Variants in SGK1 observed in about 807,000 individuals in gnomAD.
SGK1 encodes serum/glucocorticoid regulated kinase 1, also known as serine/threonine-protein kinase Sgk1.
A neutral mutation model predicts 64.2 loss-of-function variants in SGK1; 26 were observed. That is an observed-to-expected ratio of 0.40 (90% confidence interval 0.30 to 0.56). The LOEUF is 0.56. Among genes scored for constraint, SGK1 ranks in the 20% least tolerant of loss-of-function variants. The pLI, the probability that SGK1 is intolerant of heterozygous loss-of-function variation, is 0.38. For missense variants in SGK1, 519 were observed against 645.6 expected (o/e 0.80, Z 2.12); for synonymous variants, 265 against 239.7 (o/e 1.11, Z -0.98).
Position 134,308,351 on chromosome 6 carries a change from A to G in SGK1, c.69+9041T>C, listed in dbSNP as rs564089434. Among the ~76,000 whole-genome samples, 49 of 152,322 alleles carry G rather than the reference A, an allele frequency of 3.2e-4. No homozygotes were observed. The South Asian group carries it at 1.0e-2, about 31-fold the overall frequency. ...TGGCATATTTTAATTTTTGTCCTAC[A>G]GGGACTTGAGTCTAAATATGTTTTA... On this transcript the variant is annotated intron_variant, in intron 1 of 13. Coordinates refer to ENST00000367858, the MANE Select transcript of SGK1 (RefSeq NM_001143676.3).
intron 2 of SGK1, among the ~76,000 whole-genome samples, chr6:134,246,407 T>C (rs182054289): frequency 6.6e-6 from 1 of 151,972 alleles, no homozygotes; most frequent in East Asian, 1.9e-4. Flanking sequence ...TCTGCCCACC[T>C]CAACCTCCCA....
chr6:134,299,803 C>CTTT lies in SGK1; in HGVS notation c.69+17586_69+17588dup, dbSNP rs10637676. Among the ~76,000 whole-genome samples, 1,115 of 133,684 alleles carry CTTT rather than the reference C, an allele frequency of 8.3e-3. 28 individuals are homozygous for CTTT. The highest frequency in any genetic ancestry group is 0.028 in the African/African-American group (1,041 of 37,564). 87.7% of individuals were successfully genotyped at this position (133,684 alleles called of 152,430 possible). On this transcript the variant is annotated intron_variant, in intron 1 of 13. Transcript: ENST00000367858. ...CTGGTAGCTTTTCCAATCCCTGTGACTTTTTTTTTTTTTTTGCCCTGAGTT... is the reference window on the plus strand; with the variant it reads ...CTGGTAGCTTTTCCAATCCCTGTGACTTTTTTTTTTTTTTTTTTGCCCTGAGTT...
intron 3 of SGK1, among the ~76,000 whole-genome samples, chr6:134,190,160 T>A (rs766414068): frequency 5.3e-5 from 8 of 152,098 alleles, no homozygotes; most frequent in Non-Finnish European, 1.0e-4. Context: ...CTAAGTACTG[T>A]TTTTATATCT....
chr6:134,297,753 G>A (rs1562277935), intron 1 of SGK1: 15 of 483,862 alleles, frequency 3.1e-5, no homozygotes, highest in East Asian at 4.8e-5. Flanking sequence ...AGCCTGCCTC[G>A]GCCTCCCAAA....
At chr6:134,185,329 ACTTTATATCC>A (rs1317765679) in intron 3 of SGK1, among the ~76,000 whole-genome samples, 2 of 152,078 alleles carry the variant, frequency 1.3e-5, no homozygotes, top group Admixed American at 6.6e-5. Flanking sequence ...ACCCCCTTCT[ACTTTATATCC>A]CTTTATATCC....
In SGK1 at chr6:134,243,160, T is replaced by C. The variant is rs562668267; in HGVS notation, c.285+18773A>G. 5.9e-5 allele frequency among the ~76,000 whole-genome samples: 9 copies of C among 152,188 alleles called. No individual in the cohort carries two copies. The East Asian group carries it at 1.3e-3, about 23-fold the overall frequency. On this transcript the variant is annotated intron_variant, in intron 2 of 13. Transcript: ENST00000367858. ...CTTATGCCTTTGGTTATAGAAAATA[T>C]AGAATCAATGATAATGAATTAATAA...
At chr6:134,206,366 TATATATATA>T (rs1775777224) in intron 3 of SGK1, among the ~76,000 whole-genome samples, 1 of 8,524 alleles carries the variant, frequency 1.2e-4, no homozygotes, top group Admixed American at 1.0e-3. Context: ...TATATATATA[TATATATATA>T]TATATATATT....
intron 1 of SGK1, among the ~76,000 whole-genome samples, chr6:134,274,679 A>C (rs934994006): frequency 2.0e-5 from 3 of 152,116 alleles, no homozygotes; most frequent in African/African-American, 7.2e-5. Flanking sequence ...AAAAAAAAAA[A>C]AAACCCAAAT....
At chr6:134,199,360 G>A (rs1334431286) in intron 3 of SGK1, among the ~76,000 whole-genome samples, 1 of 151,852 alleles carries the variant, frequency 6.6e-6, no homozygotes, top group Non-Finnish European at 1.5e-5. Context: ...GGAGTTCTAG[G>A]CCAGTCTGGC....
intron 2 of SGK1, among the ~76,000 whole-genome samples, chr6:134,223,624 A>G (rs1193965561): frequency 2.0e-5 from 3 of 152,232 alleles, no homozygotes; most frequent in Non-Finnish European, 4.4e-5. Context: ...TTTCCTATAC[A>G]GGAACTAAGT....
intron 5 of SGK1, 27 bp downstream of exon 5, chr6:134,173,978 A>T: frequency 6.5e-7 from 1 of 1,534,442 alleles, no homozygotes; most frequent in Non-Finnish European, 9.0e-7. Flanking sequence ...AGTTCTCCAC[A>T]GATGCACGGC....
chr6:134,193,873 A>G (rs951780179), intron 3 of SGK1, among the ~76,000 whole-genome samples: 6 of 106,658 alleles, frequency 5.6e-5, no homozygotes, highest in Admixed American at 1.1e-4. Context: ...AATAAAAACT[A>G]AGATAACTAT....
At chr6:134,203,691 A>G (rs1451818912) in intron 3 of SGK1, among the ~76,000 whole-genome samples, 1 of 152,246 alleles carries the variant, frequency 6.6e-6, no homozygotes, top group East Asian at 1.9e-4. Flanking sequence ...ACTTAAAACA[A>G]AGACTTTTAC....
In SGK1 at chr6:134,169,525, A is replaced by G. The variant is rs532938039; in HGVS notation, c.*743T>C. 3 of 152,728 alleles carry G rather than the reference A, an allele frequency of 2.0e-5. 1 individual carries two copies. The highest frequency in any genetic ancestry group is 7.2e-5 in the African/African-American group (3 of 41,574). The allele number at this position is 152,728 out of a possible 1,614,324, so 9.5% of individuals were successfully genotyped here. ...CATTTTACAGGTGACATTTTAAACA[A>G]TGAAAAACACCAACGGCTCTGACTG... On this transcript the variant is annotated 3_prime_UTR_variant, in exon 14 of 14. Coordinates refer to ENST00000367858, the MANE Select transcript of SGK1 (RefSeq NM_001143676.3).
intron 1 of SGK1, among the ~76,000 whole-genome samples, chr6:134,310,336 T>C (rs79700467): frequency 0.05 from 7,673 of 152,170 alleles, 256 homozygotes; most frequent in Non-Finnish European, 0.075. Flanking sequence ...AAAATATCTA[T>C]CTAACGAAAA....
In SGK1 at chr6:134,172,786, A is replaced by G; in HGVS notation, c.835-12T>C. Reference sequence around the variant, plus strand: ...AGATGGTAGAACAACTGCAGGAGACAGAACAAAGTCATTCTGGGTTGCAAA... The same window carrying G: ...AGATGGTAGAACAACTGCAGGAGACGGAACAAAGTCATTCTGGGTTGCAAA... On this transcript the variant is annotated splice_polypyrimidine_tract_variant and intron_variant, in intron 8 of 13. Transcript: ENST00000367858. 1 of 1,573,040 alleles carries G rather than the reference A, an allele frequency of 6.4e-7. No individual in the cohort carries two copies. Among genetic ancestry groups the G allele is most frequent in the Non-Finnish European group, 8.8e-7 (1 of 1,142,672 alleles).
chr6:134,271,331 G>T, intron 1 of SGK1, among the ~76,000 whole-genome samples: 1 of 145,668 alleles, frequency 6.9e-6, no homozygotes, highest in African/African-American at 2.5e-5. Flanking sequence ...AAAAAATTGT[G>T]GGACTCATTC....
At chr6:134,206,331 AC>A (rs1182706796) in intron 3 of SGK1, among the ~76,000 whole-genome samples, 1 of 127,954 alleles carries the variant, frequency 7.8e-6, no homozygotes, top group Non-Finnish European at 1.6e-5. Context: ...ACAAAGCTGT[AC>A]CTGATGATAT....
chr6:134,178,400 C>G (rs1321551280), intron 3 of SGK1, among the ~76,000 whole-genome samples: 1 of 152,120 alleles, frequency 6.6e-6, no homozygotes, highest in Non-Finnish European at 1.5e-5. Flanking sequence ...AGGTGACACA[C>G]GGCGGAGGGG....
Sources: gnomAD v4.1 joint callset for allele counts (sites outside exome capture counted in the v4.1 genomes callset) on GRCh38, gnomAD v4.1.1 for gene constraint, MANE v1.5 for transcripts, NCBI Gene and HGNC (gene_info 2026-07-23, HGNC 2026-07-21) for gene names.